DRC3: variants seen among roughly 807,000 people sequenced by gnomAD.
The protein encoded by DRC3 is dynein regulatory complex subunit 3, also known as leucine rich repeat containing 48.
DRC3 carries 45 observed loss-of-function variants against 57.6 expected under a neutral mutation model. That is an observed-to-expected ratio of 0.78 (90% CI 0.62 to 1.00). The LOEUF (loss-of-function observed/expected upper bound fraction) is 1.00. Ranked by LOEUF, DRC3 falls within the 50% of genes least tolerant of loss-of-function variation. The pLI is 0.00. For synonymous variants in DRC3, 257 were observed against 272.3 expected, an observed-to-expected ratio of 0.94 and a Z score of 0.55; for missense variants, 655 against 675.2, an observed-to-expected ratio of 0.97 and a Z score of 0.33.
rs746498324 is a variant in DRC3 at position 18,016,617 on chromosome 17, C to T, written c.1518C>T (p.Ile506=). 46 of 1,613,710 alleles carry T rather than the reference C, an allele frequency of 2.9e-5. No homozygotes were observed. Among genetic ancestry groups the T allele is most frequent in the East Asian group, 8.9e-5 (4 of 44,886 alleles). ...RKRVKEINQY[I]DHMQSELDNL... is the part of the protein sequence containing the mutation. The stretch of plus-strand genomic sequence containing the variant: ...GCGTGAAGGAGATCAATCAGTACAT[C>T]GACCACATGCAGAGCGAACTGGACA... The change falls in exon 14 of 14, where the codon ATC becomes ATT. Residue 506 remains isoleucine (I), a synonymous_variant. Transcript: ENST00000399187.
At chr17:17,984,437 C>T (rs2042864468) in intron 4 of DRC3, among the ~76,000 whole-genome samples, 1 of 152,142 alleles carries the variant, frequency 6.6e-6, no homozygotes, top group Non-Finnish European at 1.5e-5. Context: ...GATGAGCAAA[C>T]TGAGGTCACC....
chr17:17,992,646 C>G lies in DRC3; in HGVS notation c.445-119C>G, dbSNP rs146947492. ...CTGCACACTGCCTGTCACCCCACCC[C>G]AGTGCTGATGGTGCTGTGGCCAGGC... is the stretch of plus-strand genomic sequence containing the variant. On this transcript the variant is annotated intron_variant, in intron 5 of 13. Coordinates refer to ENST00000399187, the MANE Select transcript of DRC3 (RefSeq NM_031294.4). 1.9e-4 allele frequency: 208 copies of G among 1,092,980 alleles called. 1 individual carries two copies. The East Asian group carries it at 4.5e-3, about 24-fold the overall frequency. 67.7% of individuals were successfully genotyped at this position (1,092,980 alleles called of 1,614,324 possible).
At position 18,007,005 on chromosome 17, in the gene DRC3, G is replaced by C; in HGVS notation, c.1203-19G>C. On this transcript the variant is annotated intron_variant, in intron 11 of 13. Transcript: ENST00000399187. ...CCGGGCCTGCTCCTCCCGGGCCTTT[G>C]CTTAACTCGGGGCTGCACGATGGCT... 5 of 1,612,684 alleles carry C rather than the reference G, an allele frequency of 3.1e-6. No individual in the cohort carries two copies. Among genetic ancestry groups the C allele is most frequent in the Non-Finnish European group, 4.2e-6 (5 of 1,179,220 alleles).
rs372045747 is a variant in DRC3 at position 17,977,638 on chromosome 17, G to C, written c.40G>C (p.Asp14His). The stretch of plus-strand genomic sequence containing the variant: ...CAACTCGATGGAGCCGAGGGTGATG[G>C]ACGATGACATGCTCAAGCTGGCCGT... ...PCNSMEPRVM[D>H]DDMLKLAVGD... The change falls in exon 3 of 14, where the codon GAC becomes CAC. Residue 14 changes from aspartate (D) to histidine (H), a missense_variant. Transcript: ENST00000399187. The C allele has an allele frequency of 6.2e-7, 1 of 1,613,980 alleles. No individual in the cohort carries two copies. The highest frequency in any genetic ancestry group is 8.5e-7 in the Non-Finnish European group (1 of 1,179,880).
intron 2 of DRC3, among the ~76,000 whole-genome samples, chr17:17,975,710 G>A (rs2042355747): frequency 6.6e-6 from 1 of 152,198 alleles, no homozygotes; most frequent in African/African-American, 2.4e-5. Flanking sequence ...CCCCAACGAG[G>A]TGGAGCCAGT....
intron 8 of DRC3, 74 bp downstream of exon 8, chr17:17,995,185 G>A (rs1463834256): frequency 1.9e-5 from 20 of 1,041,530 alleles, no homozygotes; most frequent in African/African-American, 3.2e-5. Flanking sequence ...TTCCGCTCTA[G>A]GCCTCAGTTT....
intron 4 of DRC3, among the ~76,000 whole-genome samples, chr17:17,986,877 A>G (rs2042985603): frequency 6.6e-6 from 1 of 152,218 alleles, no homozygotes; most frequent in Non-Finnish European, 1.5e-5. Flanking sequence ...ACAAGATAAC[A>G]GCCCCACCTG....
Position 18,016,832 on chromosome 17 carries a change from G to A in DRC3, c.*161G>A. The A allele has an allele frequency of 4.4e-6, 2 of 455,902 alleles. No homozygotes were observed. The highest frequency in any genetic ancestry group is 2.0e-5 in the African/African-American group (1 of 49,146). The allele number at this position is 455,902 out of a possible 1,614,324, so 28.2% of individuals were successfully genotyped here. A position where few individuals can be genotyped will look rare whatever the true frequency, so the allele number is the denominator to read the frequency against. ...CCCACCCCTGGAAAAACTTCCAAAA[G>A]TAGAGAAAATAAAGGACTCATTTCA... On this transcript the variant is annotated 3_prime_UTR_variant, in exon 14 of 14. Transcript: ENST00000399187.
chr17:17,992,487 C>T (rs930927894), intron 5 of DRC3, among the ~76,000 whole-genome samples: 3 of 152,142 alleles, frequency 2.0e-5, no homozygotes, highest in Admixed American at 6.5e-5. Context: ...TTGAAGCTCA[C>T]AGATGTTGGG....
chr17:17,983,457 CTCTG>C (rs2042809329), intron 3 of DRC3, among the ~76,000 whole-genome samples: 1 of 152,142 alleles, frequency 6.6e-6, no homozygotes, highest in Admixed American at 6.5e-5. Flanking sequence ...GAAGGAAGGC[CTCTG>C]TCTGTGTCCT....
intron 4 of DRC3, among the ~76,000 whole-genome samples, chr17:17,986,777 T>G (rs1414572219): frequency 2.6e-5 from 4 of 151,938 alleles, no homozygotes; most frequent in African/African-American, 9.7e-5. Flanking sequence ...AATCACCTTT[T>G]AAATGTGATC....
intron 3 of DRC3, among the ~76,000 whole-genome samples, chr17:17,980,534 A>G (rs11871231): frequency 0.4 from 60,545 of 150,284 alleles, 12,947 homozygotes; most frequent in South Asian, 0.71. Flanking sequence ...AGCTCAGGCA[A>G]TCTGCCTGCC....
At chr17:17,989,688 T>C (rs2043137478) in intron 5 of DRC3, 1 of 152,190 alleles carries the variant, frequency 6.6e-6, no homozygotes, top group Non-Finnish European at 1.5e-5. Context: ...CTCGGAAGTG[T>C]CCAGAATGCC....
At chr17:18,010,856 TG>T in intron 12 of DRC3, 3 of 368,164 alleles carry the variant, frequency 8.1e-6, no homozygotes, top group South Asian at 2.2e-5. Context: ...ATCAAGTCCC[TG>T]GAAGAGATCT....
chr17:18,006,673 G>C, intron 11 of DRC3: 1 of 372,306 alleles, frequency 2.7e-6, no homozygotes, highest in Admixed American at 4.0e-5. Context: ...GCTAGCAGCA[G>C]CCCTGTGGTC....
At chr17:17,984,491 T>A (rs2042866989) in intron 4 of DRC3, among the ~76,000 whole-genome samples, 1 of 152,170 alleles carries the variant, frequency 6.6e-6, no homozygotes, top group African/African-American at 2.4e-5. Context: ...AGGGTTTTGA[T>A]GAGATGTTCC....
At chr17:17,974,429 T>C (rs2042291997) in intron 2 of DRC3, among the ~76,000 whole-genome samples, 1 of 152,190 alleles carries the variant, frequency 6.6e-6, no homozygotes, top group Non-Finnish European at 1.5e-5. Context: ...TGGAGTGCAA[T>C]GGCACGATCT....
At chr17:18,006,665 T>C in intron 11 of DRC3, 1 of 365,338 alleles carries the variant, frequency 2.7e-6, no homozygotes, top group Non-Finnish European at 5.2e-6. Flanking sequence ...GTGCTCCAGC[T>C]AGCAGCAGCC....
intron 11 of DRC3, 94 bp from the exon 12 acceptor site, chr17:18,006,930 C>T: frequency 6.4e-7 from 1 of 1,555,706 alleles, no homozygotes; most frequent in Non-Finnish European, 8.7e-7. Flanking sequence ...CCGAGCTCGC[C>T]TTGGGCCCTT....
Sources: gnomAD v4.1 joint callset for allele counts (sites outside exome capture counted in the v4.1 genomes callset) on GRCh38, gnomAD v4.1.1 for gene constraint, MANE v1.5 for transcripts, NCBI Gene and HGNC (gene_info 2026-07-23, HGNC 2026-07-21) for gene names.